ZAN: variants seen among roughly 807,000 people sequenced by gnomAD.
The protein encoded by ZAN is zonadhesin (gene/pseudogene).
A neutral mutation model predicts 286.2 loss-of-function variants in ZAN; 260 were observed. That is an observed-to-expected ratio of 0.91 (90% confidence interval 0.82 to 1.01). The LOEUF (loss-of-function observed/expected upper bound fraction) is 1.01, where lower values mean the gene tolerates loss of function less well. ZAN is among the 50% of genes least tolerant of loss of function. ZAN has a pLI of 0.00. For synonymous variants in ZAN, 1,368 were observed against 1,417.5 expected, an observed-to-expected ratio of 0.97 and a Z score of 0.79; for missense variants, 3,410 against 3,639.2, an observed-to-expected ratio of 0.94 and a Z score of 1.62.
chr7:100,770,046 A>G, intron 28 of ZAN, 72 bp downstream of exon 28: 1 of 1,421,490 alleles, frequency 7.0e-7, no homozygotes, highest in South Asian at 1.3e-5. Flanking sequence ...CTAGTCAGGG[A>G]GGGAGAAACA....
intron 17 of ZAN, among the ~76,000 whole-genome samples, chr7:100,759,280 C>G: frequency 6.6e-6 from 1 of 151,904 alleles, no homozygotes; most frequent in East Asian, 1.9e-4. Flanking sequence ...GTGGGACACA[C>G]CTATAGTCCC....
chr7:100,750,390 C>G (rs1031947350), intron 11 of ZAN, among the ~76,000 whole-genome samples: 1 of 152,158 alleles, frequency 6.6e-6, no homozygotes, highest in African/African-American at 2.4e-5. Flanking sequence ...CAGCCTCGGC[C>G]TCCCAAAGTG....
At chr7:100,745,299 C>G (rs188818818) in intron 7 of ZAN, among the ~76,000 whole-genome samples, 13 of 151,832 alleles carry the variant, frequency 8.6e-5, no homozygotes, top group African/African-American at 2.9e-4. Context: ...ATTCCAGCCT[C>G]TTCGCCGCCG....
Position 100,793,824 on chromosome 7 carries a change from G to A in ZAN, c.7792G>A (p.Gly2598Arg). ...TGACCATGACTGTCCCCGCAGCCAT[G>A]GAGTGTCCAGCAGGTACCATATATC... is the stretch of plus-strand genomic sequence containing the variant. The part of the protein sequence containing the change: ...ELRCQVLSGH[G>R]VSSRYHISEL... Residue 2598 changes from glycine (G) to arginine (R), a missense_variant, in exon 43 of 48, where the codon GGA becomes AGA. Physicochemically the swap from Gly to Arg is moderately radical, Grantham distance 125. This residue lies in a region of ZAN where 1,289 missense variants were observed against 1,314.3 expected (regional missense o/e 0.98). Transcript: ENST00000613979. The A allele has an allele frequency of 6.3e-7, 1 of 1,591,552 alleles. No individual in the cohort carries two copies. The highest frequency in any genetic ancestry group is 8.6e-7 in the Non-Finnish European group (1 of 1,166,146).
Position 100,794,270 on chromosome 7 carries a change from C to A in ZAN, c.8125+12C>A, listed in dbSNP as rs373713521. On this transcript the variant is annotated intron_variant, in intron 44 of 47. Transcript: ENST00000613979. ...AGGCTGCTTTCCAGGTGAACCTGCA[C>A]TCCTGCCCGGTTCCAAGCTGCCCCA... is the stretch of plus-strand genomic sequence containing the variant. The A allele has an allele frequency of 1.3e-6, 2 of 1,584,990 alleles. No individual in the cohort carries two copies. The highest frequency in any genetic ancestry group is 4.5e-5 in the East Asian group (2 of 44,644).
At position 100,779,688 on chromosome 7, in the gene ZAN, T is replaced by C; in HGVS notation, c.6560T>C (p.Phe2187Ser). Residue 2187 changes from phenylalanine (F) to serine (S), a missense_variant, in exon 35 of 48, where the codon TTC (phenylalanine) becomes TCC (serine). Phe to Ser is a radical substitution (Grantham distance 155). This residue lies in a region of ZAN where 1,289 missense variants were observed against 1,314.3 expected (regional missense o/e 0.98). Transcript: ENST00000613979. Reference sequence around the variant, plus strand: ...GCCCTCTGCCAGGCTCTGCAAGCCTTCGGGGCCACCTGCCAGAGCCAGGGG... The same window carrying C: ...GCCCTCTGCCAGGCTCTGCAAGCCTCCGGGGCCACCTGCCAGAGCCAGGGG... Reference protein sequence around the residue: ...YQALCQALQAFGATCQSQGLK... With the variant: ...YQALCQALQASGATCQSQGLK... 6.4e-7 allele frequency: 1 copy of C among 1,562,678 alleles called. No homozygotes were observed.
chr7:100,771,340 G>A (rs1232258880), intron 28 of ZAN, among the ~76,000 whole-genome samples: 5 of 152,164 alleles, frequency 3.3e-5, no homozygotes, highest in African/African-American at 4.8e-5. Context: ...CTGAGTAGCT[G>A]GGACTACAGG....
At chr7:100,772,334 G>C (rs1810430002) in intron 29 of ZAN, among the ~76,000 whole-genome samples, 1 of 151,090 alleles carries the variant, frequency 6.6e-6, no homozygotes, top group Non-Finnish European at 1.5e-5. Context: ...AGAGGCTGAG[G>C]TGGGAGAATC....
chr7:100,771,824 T>G lies in ZAN; in HGVS notation c.5249-20T>G. The G allele has an allele frequency of 6.3e-7, 1 of 1,598,156 alleles. No homozygotes were observed. The highest frequency in any genetic ancestry group is 1.1e-5 in the South Asian group (1 of 90,598). On this transcript the variant is annotated intron_variant, in intron 28 of 47. Coordinates refer to ENST00000613979, the MANE Select transcript of ZAN (RefSeq NM_003386.3). ...TTCCCGGCCCCTCCCCTGGCTCATC[T>G]GCCTTCTCTCTTCCTGCAGGACCCT...
In ZAN at chr7:100,750,711, G is replaced by C; in HGVS notation, c.1336G>C (p.Gly446Arg). ...GGTGAGCCGGCCCTTCTGCGCCCCA[G>C]GTGACATCTGCGTGGAGTTCGCATA... ...RLVSRPFCAP[G>R]DICVEFAYHM... The change falls in exon 12 of 48, where the codon GGT (glycine) becomes CGT (arginine). Residue 446 changes from glycine to arginine, a missense_variant. Gly to Arg is a moderately radical substitution (Grantham distance 125, BLOSUM62 -2). Coordinates refer to ENST00000613979, the MANE Select transcript of ZAN (RefSeq NM_003386.3). 6.2e-7 allele frequency: 1 copy of C among 1,613,184 alleles called. No homozygotes were observed. Among genetic ancestry groups the C allele is most frequent in the Non-Finnish European group, 8.5e-7 (1 of 1,179,640 alleles).
Position 100,748,227 on chromosome 7 carries a change from C to G in ZAN, c.1102+12C>G. 6.2e-7 allele frequency: 1 copy of G among 1,613,848 alleles called. No homozygotes were observed. Among genetic ancestry groups the G allele is most frequent in the Admixed American group, 1.7e-5 (1 of 59,986 alleles). The stretch of plus-strand genomic sequence containing the variant: ...TGCTCCTTGTGGGGGTGAGAGCAGG[C>G]CCTGAGAGGCCCGGATCTCTCAGAA... On this transcript the variant is annotated intron_variant, in intron 10 of 47. Coordinates refer to ENST00000613979, the MANE Select transcript of ZAN (RefSeq NM_003386.3).
At chr7:100,751,626 T>TG in intron 13 of ZAN, 86 bp from the exon 14 acceptor site, 3 of 1,437,676 alleles carry the variant, frequency 2.1e-6, no homozygotes, top group South Asian at 1.5e-5. Context: ...AAGCCACCCA[T>TG]GGGAGCCCAC....
chr7:100,741,004 C>T (rs1182030872), intron 7 of ZAN, among the ~76,000 whole-genome samples: 19 of 13,198 alleles, frequency 1.4e-3, no homozygotes, highest in African/African-American at 7.5e-3. Flanking sequence ...CCCTCCCGGA[C>T]GGGGCGGCTG....
At chr7:100,789,596 G>A (rs182403941) in intron 39 of ZAN, among the ~76,000 whole-genome samples, 39 of 152,170 alleles carry the variant, frequency 2.6e-4, no homozygotes, top group Non-Finnish European at 5.0e-4. Context: ...GATCGCTTGA[G>A]GTCAGAAGCT....
At chr7:100,746,474 C>G in intron 7 of ZAN, 64 bp from the exon 8 acceptor site, 1 of 1,582,184 alleles carries the variant, frequency 6.3e-7, no homozygotes. Flanking sequence ...CCTCAGGGCC[C>G]TATCTCTGCT....
At position 100,758,570 on chromosome 7, in the gene ZAN, A is replaced by G; in HGVS notation, c.3491A>G (p.Tyr1164Cys). Residue 1164 changes from tyrosine to cysteine, a missense_variant, in exon 17 of 48, where the codon TAT becomes TGT. Transcript: ENST00000613979. Reference protein sequence around the residue: ...ATCLVYGDPHYVTFDGRHFGF... With the variant: ...ATCLVYGDPHCVTFDGRHFGF... ...TGCTTGGTCTACGGAGACCCTCATT[A>G]TGTCACCTTTGACGGGAGGCACTTT... 6.4e-7 allele frequency: 1 copy of G among 1,566,042 alleles called. No homozygotes were observed. Among genetic ancestry groups the G allele is most frequent in the Non-Finnish European group, 8.7e-7 (1 of 1,155,302 alleles).
At chr7:100,778,702 C>T (rs1313201125) in intron 34 of ZAN, among the ~76,000 whole-genome samples, 1 of 152,008 alleles carries the variant, frequency 6.6e-6, no homozygotes, top group African/African-American at 2.4e-5. Flanking sequence ...GTGGGGAATC[C>T]CTGAGAGGTC....
chr7:100,743,017 CTT>C lies in ZAN; in HGVS notation c.767-3519_767-3518del, dbSNP rs1302830708. ...CTTTTGCAAAAATCCAGGCGACACT[CTT>C]TCTTTTTCTTTCTTTTTTTTTTTTT... On this transcript the variant is annotated intron_variant, in intron 7 of 47. Coordinates refer to ENST00000613979, the MANE Select transcript of ZAN (RefSeq NM_003386.3). 4.6e-5 allele frequency among the ~76,000 whole-genome samples: 6 copies of C among 130,538 alleles called. 2 individuals are homozygous for C. The highest frequency in any genetic ancestry group is 1.0e-4 in the Non-Finnish European group (6 of 58,936). 85.6% of individuals were successfully genotyped at this position (130,538 alleles called of 152,430 possible). A position where few individuals can be genotyped will look rare whatever the true frequency, so the allele number is the denominator to read the frequency against.
chr7:100,790,919 T>C lies in ZAN; in HGVS notation c.7358-23T>C, dbSNP rs1047289952. 3.8e-6 allele frequency: 6 copies of C among 1,566,338 alleles called. No individual in the cohort carries two copies. The Admixed American group carries it at 9.5e-5, about 25-fold the overall frequency. ...AAAAAAGAGTGAGGAGTCTCACTTC[T>C]GGGGACCCCCTTCCTCCCGCAGTGA... On this transcript the variant is annotated intron_variant, in intron 39 of 47. Transcript: ENST00000613979.
Sources: allele counts gnomAD v4.1 joint callset (sites outside exome capture counted in the v4.1 genomes callset), GRCh38; gene constraint gnomAD v4.1.1; regional missense constraint gnomAD v4.1.1; transcripts MANE v1.5; gene names NCBI Gene and HGNC (gene_info 2026-07-23, HGNC 2026-07-21).